Variants in EDA observed in about 807,000 individuals in gnomAD.
EDA encodes the protein ectodysplasin-A.
EDA carries 2 observed loss-of-function variants against 23.6 expected under a neutral mutation model. The observed-to-expected ratio is 0.08, with a 90% CI of 0.03 to 0.27. The LOEUF (loss-of-function observed/expected upper bound fraction) is 0.27, where lower values mean the gene tolerates loss of function less well. EDA is among the 10% of genes least tolerant of loss of function. EDA has a pLI of 1.00. For synonymous variants in EDA, 131 were observed against 132.0 expected (o/e 0.99, Z 0.05); for missense variants, 229 against 324.2 (o/e 0.71, Z 2.26).
Position 70,028,355 on chromosome X carries a change from G to A in EDA, c.706+319G>A, listed in dbSNP as rs756535281. ...AAAACTCATATGAGCCAGAGACAGA[G>A]GCCCTGGTGGTTCACAGGAGTTCCA... On this transcript the variant is annotated intron_variant, in intron 4 of 7. Transcript: ENST00000374552. Among the ~76,000 whole-genome samples, 10 of 111,829 alleles carry A rather than the reference G, an allele frequency of 8.9e-5. No individual in the cohort carries two copies. In the Admixed American group the frequency reaches 9.5e-4, roughly 11 times the overall value.
At chrX:69,910,983 A>C (rs916284557) in intron 1 of EDA, among the ~76,000 whole-genome samples, 2 of 112,057 alleles carry the variant, frequency 1.8e-5, no homozygotes, top group African/African-American at 6.5e-5. Flanking sequence ...GAAAAAACAT[A>C]TTGTATACTG....
chrX:70,003,629 C>G (rs2019766147), intron 2 of EDA, among the ~76,000 whole-genome samples: 1 of 111,636 alleles, frequency 9.0e-6, no homozygotes, highest in African/African-American at 3.3e-5. Context: ...TTTCCACAAC[C>G]CCAGTATTTC....
chrX:69,835,166 T>G (rs1448782040), intron 1 of EDA, among the ~76,000 whole-genome samples: 1 of 112,164 alleles, frequency 8.9e-6, no homozygotes, highest in East Asian at 2.8e-4. Context: ...CATTTCAACC[T>G]TGGTGAATCT....
chrX:69,617,594 C>T (rs1932025596), intron 1 of EDA: 2 of 243,088 alleles, frequency 8.2e-6, no homozygotes, highest in East Asian at 1.2e-4. Context: ...CTATTCTATT[C>T]TTTCTAGCTT....
intron 1 of EDA, chrX:69,620,825 TG>T: frequency 5.4e-6 from 2 of 372,742 alleles, no homozygotes; most frequent in Middle Eastern, 4.4e-4. Flanking sequence ...AAATACTTGT[TG>T]AGTTGAATAT....
intron 1 of EDA, among the ~76,000 whole-genome samples, chrX:69,880,238 T>C (rs2017723378): frequency 9.0e-6 from 1 of 111,399 alleles, no homozygotes; most frequent in Non-Finnish European, 1.9e-5. Flanking sequence ...TGTACTTGAA[T>C]TTTCATTCAC....
At chrX:69,909,637 T>G (rs1406866355) in intron 1 of EDA, among the ~76,000 whole-genome samples, 1 of 112,808 alleles carries the variant, frequency 8.9e-6, no homozygotes, top group Admixed American at 9.4e-5. Context: ...GAGCTATAAA[T>G]TTGCTTGCTC....
At chrX:69,718,453 G>T (rs1311149478) in intron 1 of EDA, among the ~76,000 whole-genome samples, 1 of 111,039 alleles carries the variant, frequency 9.0e-6, no homozygotes, top group African/African-American at 3.3e-5. Context: ...TTTTTATCAA[G>T]TGAGTTAATT....
chrX:69,785,413 G>C (rs1247714792), intron 1 of EDA, among the ~76,000 whole-genome samples: 3 of 96,328 alleles, frequency 3.1e-5, no homozygotes, highest in Admixed American at 2.3e-4. Context: ...CATTCAGTTT[G>C]ATATTGGCTG....
At position 69,944,508 on chromosome X, in the gene EDA, C is replaced by G. The variant is rs764661407; in HGVS notation, c.397-12519C>G. Among the ~76,000 whole-genome samples, 504 of 111,471 alleles carry G rather than the reference C, an allele frequency of 4.5e-3. 3 individuals are homozygous for G. Among genetic ancestry groups the G allele is most frequent in the African/African-American group, 0.016 (489 of 30,688 alleles). ...TGGAATGGGAGCCTTAGGACTCTGC[C>G]TGGTACCCTATTCTACTGTGGCTGA... On this transcript the variant is annotated intron_variant, in intron 1 of 7. Transcript: ENST00000374552.
chrX:70,031,357 G>A (rs763733565), intron 6 of EDA, among the ~76,000 whole-genome samples: 1 of 111,988 alleles, frequency 8.9e-6, no homozygotes, highest in East Asian at 2.8e-4. Context: ...ACACTCCACT[G>A]AATGATTAGG....
chrX:69,879,917 CTTA>C (rs1458603314), intron 1 of EDA, among the ~76,000 whole-genome samples: 2 of 112,277 alleles, frequency 1.8e-5, no homozygotes, highest in Admixed American at 1.9e-4. Context: ...TGTTGGTATT[CTTA>C]CTTTCTTGGC....
At chrX:69,928,921 A>C (rs1227701686) in intron 1 of EDA, among the ~76,000 whole-genome samples, 1 of 111,991 alleles carries the variant, frequency 8.9e-6, no homozygotes, top group African/African-American at 3.2e-5. Flanking sequence ...GATTCAAAAT[A>C]CTTGGTTGCC....
intron 1 of EDA, among the ~76,000 whole-genome samples, chrX:69,768,587 G>T (rs1326424752): frequency 9.0e-6 from 1 of 111,114 alleles, no homozygotes; most frequent in Admixed American, 9.5e-5. Context: ...ATACTGTCTT[G>T]ATTATTATAG....
chrX:69,748,303 A>T (rs374512086), intron 1 of EDA, among the ~76,000 whole-genome samples: 1 of 111,249 alleles, frequency 9.0e-6, no homozygotes, highest in East Asian at 2.8e-4. Flanking sequence ...AGGAAAAATC[A>T]CTGGAAATGA....
chrX:69,777,924 A>G (rs1452778421), intron 1 of EDA, among the ~76,000 whole-genome samples: 1 of 111,770 alleles, frequency 8.9e-6, no homozygotes, highest in Admixed American at 9.5e-5. Context: ...TCTTGTTTAG[A>G]GAATGAATTC....
chrX:69,852,170 C>T (rs1324128819), intron 1 of EDA, among the ~76,000 whole-genome samples: 1 of 111,728 alleles, frequency 9.0e-6, no homozygotes, highest in Non-Finnish European at 1.9e-5. Context: ...CCTCTTGTTG[C>T]CCAGGATGGA....
intron 2 of EDA, among the ~76,000 whole-genome samples, chrX:69,973,963 T>C (rs950635707): frequency 2.7e-5 from 3 of 110,501 alleles, no homozygotes; most frequent in African/African-American, 9.8e-5. Context: ...TTGAAAAGAC[T>C]AAGTCCTAAA....
intron 1 of EDA, among the ~76,000 whole-genome samples, chrX:69,846,373 C>T (rs1205205658): frequency 1.8e-5 from 2 of 111,158 alleles, no homozygotes; most frequent in Non-Finnish European, 3.8e-5. Flanking sequence ...CGGCTCACTG[C>T]AACCTCCACC....
Sources: gnomAD v4.1 joint callset for allele counts (sites outside exome capture counted in the v4.1 genomes callset) on GRCh38, gnomAD v4.1.1 for gene constraint, MANE v1.5 for transcripts, NCBI Gene and HGNC (gene_info 2026-07-23, HGNC 2026-07-21) for gene names.